The following COP1 variants were observed in gnomAD, a reference collection of about 807,000 sequenced individuals.
COP1 encodes the protein E3 ubiquitin-protein ligase COP1.
COP1 carries 24 observed loss-of-function variants against 101.3 expected under a neutral mutation model. The observed-to-expected ratio is 0.24, with a 90% CI of 0.17 to 0.33. The LOEUF (loss-of-function observed/expected upper bound fraction) is 0.33. COP1 is among the 10% of genes least tolerant of loss of function. COP1 has a pLI of 1.00. For missense variants in COP1, 663 were observed against 906.2 expected, an observed-to-expected ratio of 0.73 and a Z score of 3.45; for synonymous variants, 347 against 341.9, an observed-to-expected ratio of 1.01 and a Z score of -0.17.
At chr1:176,085,729 A>T in intron 10 of COP1, 47 bp downstream of exon 10, 1 of 1,151,078 alleles carries the variant, frequency 8.7e-7, no homozygotes, top group East Asian at 2.4e-5. Flanking sequence ...CTAGAAACAG[A>T]TCTGAAATGT....
chr1:176,001,718 A>G (rs1661650668), intron 15 of COP1, among the ~76,000 whole-genome samples: 1 of 152,102 alleles, frequency 6.6e-6, no homozygotes, highest in Non-Finnish European at 1.5e-5. Context: ...GTGGACTTAC[A>G]TTACAGTCTA....
intron 18 of COP1, among the ~76,000 whole-genome samples, chr1:175,972,623 C>T (rs1208588405): frequency 6.6e-6 from 1 of 151,904 alleles, no homozygotes; most frequent in East Asian, 1.9e-4. Context: ...CACGGCCATG[C>T]CCGGCTAATT....
At chr1:176,113,195 G>A (rs761980079) in intron 9 of COP1, among the ~76,000 whole-genome samples, 5 of 152,020 alleles carry the variant, frequency 3.3e-5, no homozygotes, top group Admixed American at 6.6e-5. Context: ...CTTTCTCCAC[G>A]TCCTTTCTAA....
At chr1:176,130,238 T>A (rs1318055833) in intron 8 of COP1, among the ~76,000 whole-genome samples, 1 of 151,700 alleles carries the variant, frequency 6.6e-6, no homozygotes, top group East Asian at 1.9e-4. Context: ...AAAAAATGTC[T>A]AAAATATTAA....
intron 9 of COP1, among the ~76,000 whole-genome samples, chr1:176,093,557 T>A (rs897733708): frequency 2.0e-5 from 3 of 151,964 alleles, no homozygotes; most frequent in Admixed American, 6.6e-5. Flanking sequence ...TAAAAATTAG[T>A]GGCCAGGTGC....
chr1:176,148,814 C>A (rs529838493), intron 6 of COP1, among the ~76,000 whole-genome samples, 192 bp downstream of exon 6: 11 of 151,944 alleles, frequency 7.2e-5, no homozygotes, highest in Non-Finnish European at 1.5e-5. Context: ...CACATCTCCA[C>A]AAAATGATTT....
intron 11 of COP1, among the ~76,000 whole-genome samples, chr1:176,049,933 G>A (rs935080363): frequency 6.6e-6 from 1 of 152,190 alleles, no homozygotes; most frequent in Non-Finnish European, 1.5e-5. Context: ...CTAATTAACT[G>A]AAATGTTGCT....
chr1:176,078,626 AAAAC>A (rs1474458244), intron 11 of COP1, among the ~76,000 whole-genome samples: 1 of 151,820 alleles, frequency 6.6e-6, no homozygotes, highest in Admixed American at 6.6e-5. Flanking sequence ...TGCAAAAAAA[AAAAC>A]AAAAATTGAC....
intron 1 of COP1, among the ~76,000 whole-genome samples, chr1:176,205,463 T>C (rs903472591): frequency 2.0e-5 from 3 of 152,240 alleles, no homozygotes; most frequent in South Asian, 4.1e-4. Flanking sequence ...TCTTATTTAA[T>C]AACACCAACT....
chr1:176,190,806 T>C (rs1215726780), intron 1 of COP1, among the ~76,000 whole-genome samples: 1 of 152,002 alleles, frequency 6.6e-6, no homozygotes, highest in Non-Finnish European at 1.5e-5. Context: ...GTTCAATACA[T>C]GCATATTTTA....
intron 11 of COP1, among the ~76,000 whole-genome samples, chr1:176,066,530 T>C (rs77499776): frequency 0.068 from 10,327 of 152,210 alleles, 487 homozygotes; most frequent in South Asian, 0.11. Flanking sequence ...TCAAATTTTT[T>C]AAAGTCCAAA....
chr1:175,987,164 A>T (rs1308148064), intron 17 of COP1, 61 bp from the exon 18 acceptor site: 28 of 860,246 alleles, frequency 3.3e-5, no homozygotes, highest in Admixed American at 8.9e-5. Flanking sequence ...AGGACATCAC[A>T]GTCTAATAGT....
At chr1:176,021,943 G>C (rs557952521) in intron 15 of COP1, among the ~76,000 whole-genome samples, 1 of 152,048 alleles carries the variant, frequency 6.6e-6, no homozygotes, top group Non-Finnish European at 1.5e-5. Flanking sequence ...GTTAACTTTC[G>C]TGTTCACATC....
chr1:175,996,533 A>C (rs1363339825), intron 15 of COP1, among the ~76,000 whole-genome samples: 1 of 152,084 alleles, frequency 6.6e-6, no homozygotes, highest in Non-Finnish European at 1.5e-5. Context: ...TTAAGCTGAT[A>C]AGCAACTTCA....
At chr1:176,149,490 TAGAG>T (rs1297726417) in intron 5 of COP1, among the ~76,000 whole-genome samples, 1 of 152,134 alleles carries the variant, frequency 6.6e-6, no homozygotes, top group African/African-American at 2.4e-5. Flanking sequence ...GTGTAATAAA[TAGAG>T]ATAAACCTAT....
chr1:176,016,111 G>A (rs1665579098), intron 15 of COP1, among the ~76,000 whole-genome samples: 1 of 152,110 alleles, frequency 6.6e-6, no homozygotes, highest in African/African-American at 2.4e-5. Flanking sequence ...TGAATACTGA[G>A]GTAGGAATTT....
At chr1:176,120,971 T>C (rs933049774) in intron 8 of COP1, among the ~76,000 whole-genome samples, 2 of 152,088 alleles carry the variant, frequency 1.3e-5, no homozygotes, top group Non-Finnish European at 2.9e-5. Context: ...AGACAATAAA[T>C]ATGGAATTAT....
chr1:176,028,537 A>AC (rs1182778247), intron 14 of COP1, among the ~76,000 whole-genome samples: 1 of 150,766 alleles, frequency 6.6e-6, no homozygotes, highest in African/African-American at 2.4e-5. Context: ...CAAAAAAAAA[A>AC]AATGAAATGA....
chr1:176,072,271 T>G (rs1677135326), intron 11 of COP1, among the ~76,000 whole-genome samples: 1 of 152,194 alleles, frequency 6.6e-6, no homozygotes, highest in Non-Finnish European at 1.5e-5. Flanking sequence ...AATGCTAGAG[T>G]CCTACTTACT....
Sources: allele counts gnomAD v4.1 joint callset (sites outside exome capture counted in the v4.1 genomes callset), GRCh38; gene constraint gnomAD v4.1.1; transcripts MANE v1.5; gene names NCBI Gene and HGNC (gene_info 2026-07-23, HGNC 2026-07-21).